Variants in CLCNKA observed in about 807,000 individuals in gnomAD.
CLCNKA encodes chloride voltage-gated channel Ka.
A neutral mutation model predicts 83.3 loss-of-function variants in CLCNKA; 66 were observed. The observed-to-expected ratio is 0.79, with a 90% confidence interval of 0.65 to 0.97. CLCNKA has a LOEUF of 0.97. CLCNKA is among the 50% of genes least tolerant of loss of function. The pLI is 0.00. For missense variants in CLCNKA, 806 were observed against 888.7 expected (o/e 0.91, Z 1.18); for synonymous variants, 357 against 370.4 (o/e 0.96, Z 0.42).
rs202037328 is a variant in CLCNKA at position 16,031,867 on chromosome 1, A to G, written c.1756+24A>G. On this transcript the variant is annotated intron_variant, in intron 16 of 19. Coordinates refer to ENST00000331433, the MANE Select transcript of CLCNKA (RefSeq NM_004070.4). ...AGGTGCCCAGCTGGAAGGGAGGAGG[A>G]AGTCGGGGGTAGGGGATGCCCTCTG... The G allele has an allele frequency of 5.3e-5, 85 of 1,613,382 alleles. No individual in the cohort carries two copies. The East Asian group carries it at 1.7e-3, about 32-fold the overall frequency.
intron 2 of CLCNKA, 98 bp from the exon 3 acceptor site, chr1:16,023,702 C>T: frequency 4.8e-6 from 7 of 1,473,442 alleles, no homozygotes; most frequent in South Asian, 4.6e-5. Flanking sequence ...ACTCAACTAC[C>T]AGGGTCCTCC....
chr1:16,032,894 G>A (rs1288868656), intron 18 of CLCNKA, among the ~76,000 whole-genome samples: 2 of 152,236 alleles, frequency 1.3e-5, no homozygotes, highest in East Asian at 1.9e-4. Flanking sequence ...GGGCAAGGGC[G>A]GAGGCTGACA....
chr1:16,023,543 G>A (rs1382796888), intron 2 of CLCNKA, among the ~76,000 whole-genome samples: 1 of 152,218 alleles, frequency 6.6e-6, no homozygotes, highest in African/African-American at 2.4e-5. Flanking sequence ...AGCCAGCAGA[G>A]GGTAGCTCCA....
In CLCNKA at chr1:16,029,193, C is replaced by T. The variant is rs1350098908; in HGVS notation, c.1121C>T (p.Ser374Phe). The T allele has an allele frequency of 6.2e-7, 1 of 1,613,210 alleles. No homozygotes were observed. The highest frequency in any genetic ancestry group is 8.5e-7 in the Non-Finnish European group (1 of 1,179,866). Residue 374 changes from serine (S) to phenylalanine (F), a missense_variant, in exon 12 of 20, where the codon TCC (serine) becomes TTC (phenylalanine). Physicochemically the swap from Ser to Phe is radical, Grantham distance 155. Transcript: ENST00000331433. Reference sequence around the variant, plus strand: ...TCCTGGGCGCTGATGACCCAGAACTCCAGCCCACCCTGGCCCGAGGAGCTC... The same window carrying T: ...TCCTGGGCGCTGATGACCCAGAACTTCAGCCCACCCTGGCCCGAGGAGCTC... ...NHSWALMTQNSSPPWPEELDP... is the reference protein window; with the variant it reads ...NHSWALMTQNFSPPWPEELDP...
Position 16,032,531 on chromosome 1 carries a change from C to T in CLCNKA, c.1929+5C>T, listed in dbSNP as rs1406336970. ...TCAGAGACCACCTTGCACCAGGTAA[C>T]AAGTATTGGGGAGTGTGACACACGC... On this transcript the variant is annotated splice_donor_5th_base_variant and intron_variant, in intron 18 of 19. Transcript: ENST00000331433. 2 of 1,609,408 alleles carry T rather than the reference C, an allele frequency of 1.2e-6. No individual in the cohort carries two copies. Among genetic ancestry groups the T allele is most frequent in the African/African-American group, 2.7e-5 (2 of 74,870 alleles).
chr1:16,024,751 G>A lies in CLCNKA; in HGVS notation c.230-12G>A, dbSNP rs949999026. 1.1e-5 allele frequency: 17 copies of A among 1,613,706 alleles called. No homozygotes were observed. The highest frequency in any genetic ancestry group is 8.0e-5 in the African/African-American group (6 of 74,928). ...GGCTGTGGGTGCCTCCCTGATACGC[G>A]GCTGTCCCCAGCACACCAGTGGCTG... On this transcript the variant is annotated splice_polypyrimidine_tract_variant and intron_variant, in intron 3 of 19. Coordinates refer to ENST00000331433, the MANE Select transcript of CLCNKA (RefSeq NM_004070.4).
At chr1:16,026,398 C>A in intron 5 of CLCNKA, 138 bp from the exon 6 acceptor site, 2 of 1,462,258 alleles carry the variant, frequency 1.4e-6, no homozygotes, top group African/African-American at 1.4e-5. Context: ...CAGGCCAGGT[C>A]CCCAGTGTGA....
Position 16,033,670 on chromosome 1 carries a change from A to G in CLCNKA, c.*12A>G. On this transcript the variant is annotated 3_prime_UTR_variant, in exon 20 of 20. Transcript: ENST00000331433. ...CAGCTCCAAAGTGAGCCGGCCCAGC[A>G]AGATGAAACAGGGCACCCCAGCTGA... 1 of 1,591,728 alleles carries G rather than the reference A, an allele frequency of 6.3e-7. No homozygotes were observed. Among genetic ancestry groups the G allele is most frequent in the Non-Finnish European group, 8.6e-7 (1 of 1,169,520 alleles).
rs1481827285 is a variant in CLCNKA, at chr1:16,027,489, A to T, written c.781+54A>T. On this transcript the variant is annotated intron_variant, in intron 8 of 19. Transcript: ENST00000331433. ...CCCTGCCTGGGGGCCGGGGCGAGGG[A>T]GACCTCCCTTCTCCTCTGTGTACAT... The T allele has an allele frequency of 1.9e-6, 3 of 1,607,336 alleles. No individual in the cohort carries two copies. The South Asian group carries it at 3.3e-5, about 18-fold the overall frequency.
chr1:16,027,436 G>C lies in CLCNKA; in HGVS notation c.781+1G>C, dbSNP rs151056729. ...CTGGCAGTCTTCAACAGCGAGCAGG[G>C]TGAGCCCCCTGGGCTGCCTGACCCT... On this transcript the variant is annotated splice_donor_variant, in intron 8 of 19. Transcript: ENST00000331433. LOFTEE classifies it high-confidence loss of function. The C allele has an allele frequency of 4.5e-5, 72 of 1,613,830 alleles. No individual in the cohort carries two copies. In the African/African-American group the frequency reaches 8.8e-4, roughly 20 times the overall value.
intron 2 of CLCNKA, among the ~76,000 whole-genome samples, chr1:16,023,342 G>A (rs1306858554): frequency 6.6e-6 from 1 of 152,228 alleles, no homozygotes; most frequent in Non-Finnish European, 1.5e-5. Context: ...TATGGATCCT[G>A]CAGGGATACA....
At chr1:16,026,010 T>A in intron 4 of CLCNKA, 98 bp from the exon 5 acceptor site, 2 of 1,548,952 alleles carry the variant, frequency 1.3e-6, no homozygotes, top group Non-Finnish European at 1.8e-6. Flanking sequence ...TGCCTCGGCC[T>A]CCCAAAGTGC....
chr1:16,026,027 TA>T, intron 4 of CLCNKA, 80 bp from the exon 5 acceptor site: 5 of 1,588,590 alleles, frequency 3.1e-6, no homozygotes, highest in Non-Finnish European at 4.3e-6. Flanking sequence ...GTGCTGGGAT[TA>T]CAGGCGTGAG....
At chr1:16,032,666 G>T (rs2022678758) in intron 18 of CLCNKA, 140 bp downstream of exon 18, 2 of 715,094 alleles carry the variant, frequency 2.8e-6, no homozygotes, top group Admixed American at 4.3e-5. Flanking sequence ...GCCTGGACAG[G>T]GCAGCTCCTG....
rs775856041 is a variant in CLCNKA, at chr1:16,033,159, C to T, written c.1930-11C>T. 3 of 1,613,792 alleles carry T rather than the reference C, an allele frequency of 1.9e-6. No homozygotes were observed. Among genetic ancestry groups the T allele is most frequent in the South Asian group, 1.1e-5 (1 of 91,068 alleles). On this transcript the variant is annotated splice_polypyrimidine_tract_variant and intron_variant, in intron 18 of 19. Transcript: ENST00000331433. The stretch of plus-strand genomic sequence containing the variant: ...CTACCCTCCAGTGTTTCCTAACAAT[C>T]CCCCATCCAGGCACAAAACCTCTTT...
chr1:16,032,357 C>A, intron 17 of CLCNKA, 66 bp downstream of exon 17: 1 of 1,541,206 alleles, frequency 6.5e-7, no homozygotes. Context: ...AGGGGAGGGA[C>A]CCGCTGATCT....
At position 16,026,867 on chromosome 1, in the gene CLCNKA, G is replaced by A; in HGVS notation, c.655+92G>A. ...TCGGCCCAGCTGAGAGCCTGGAGGAGGGGATGGGGCTCATTCTTGTTCTCA... is the reference window on the plus strand; with the variant it reads ...TCGGCCCAGCTGAGAGCCTGGAGGAAGGGATGGGGCTCATTCTTGTTCTCA... On this transcript the variant is annotated intron_variant, in intron 7 of 19. Transcript: ENST00000331433. 4.0e-6 allele frequency: 6 copies of A among 1,513,682 alleles called. No individual in the cohort carries two copies. The South Asian group carries it at 6.8e-5, about 17-fold the overall frequency. The allele number at this position is 1,513,682 out of a possible 1,614,324, so 93.8% of individuals were successfully genotyped here.
At position 16,033,627 on chromosome 1, in the gene CLCNKA, C is replaced by T; in HGVS notation, c.2033C>T (p.Ser678Phe). The T allele has an allele frequency of 2.3e-6, 3 of 1,289,224 alleles. No homozygotes were observed. Among genetic ancestry groups the T allele is most frequent in the Non-Finnish European group, 3.2e-6 (3 of 940,880 alleles). The allele number at this position is 1,289,224 out of a possible 1,614,324, so 79.9% of individuals were successfully genotyped here. The change falls in exon 20 of 20, where the codon TCC becomes TTC. Residue 678 changes from serine (S) to phenylalanine (F), a missense_variant. Coordinates refer to ENST00000331433, the MANE Select transcript of CLCNKA (RefSeq NM_004070.4). ...VSWVEMKKAI[S>F]NLTNPPAPK ...CTGTTCTAGATGAAGAAAGCAATTT[C>T]CAACCTGACAAATCCGCCAGCTCCA... is the stretch of plus-strand genomic sequence containing the variant.
intron 9 of CLCNKA, 46 bp downstream of exon 9, chr1:16,027,951 C>A (rs184146945): frequency 6.2e-7 from 1 of 1,614,026 alleles, no homozygotes; most frequent in Non-Finnish European, 8.5e-7. Flanking sequence ...GGCATTCCCC[C>A]CAAGGCCTGG....
Sources: allele counts gnomAD v4.1 joint callset (sites outside exome capture counted in the v4.1 genomes callset), GRCh38; gene constraint gnomAD v4.1.1; transcripts MANE v1.5; gene names NCBI Gene and HGNC (gene_info 2026-07-23, HGNC 2026-07-21).